The following SEPTIN9 variants were observed in gnomAD, a reference collection of about 807,000 sequenced individuals.
The protein encoded by SEPTIN9 is septin 9.
A neutral mutation model predicts 56.6 loss-of-function variants in SEPTIN9; 13 were observed. The ratio of observed to expected loss-of-function variants is 0.23; its 90% CI spans 0.15 to 0.37. The LOEUF (loss-of-function observed/expected upper bound fraction) is 0.37, where lower values mean the gene tolerates loss of function less well. Ranked by LOEUF, SEPTIN9 falls within the 10% of genes least tolerant of loss-of-function variation. The pLI is 1.00. For synonymous variants in SEPTIN9, 332 were observed against 334.1 expected, an observed-to-expected ratio of 0.99 and a Z score of 0.07; for missense variants, 650 against 823.1, an observed-to-expected ratio of 0.79 and a Z score of 2.57.
chr17:77,488,829 C>T lies in SEPTIN9; in HGVS notation c.1227C>T (p.His409=), dbSNP rs562191659. The T allele has an allele frequency of 6.2e-7, 1 of 1,613,784 alleles. No individual in the cohort carries two copies. Among genetic ancestry groups the T allele is most frequent in the East Asian group, 2.2e-5 (1 of 44,888 alleles). ...RKKRIPDTRV[H]CCLYFIPATG... ...AGCGCATCCCGGACACCCGCGTCCA[C>T]TGCTGCCTCTACTTCATCCCCGCCA... Residue 409 remains histidine (H), a synonymous_variant, in exon 7 of 12, where the codon CAC becomes CAT. Transcript: ENST00000427177.
intron 3 of SEPTIN9, among the ~76,000 whole-genome samples, chr17:77,413,182 ATTTC>A (rs1245365948): frequency 2.6e-5 from 4 of 151,710 alleles, no homozygotes; most frequent in Admixed American, 1.3e-4. Context: ...ATTTGGATGC[ATTTC>A]TTTTACCCTC....
rs1430742167 is a variant in SEPTIN9, at chr17:77,329,938, G to T, written c.76+22741G>T. Among the ~76,000 whole-genome samples the T allele has an allele frequency of 2.6e-5, 4 of 152,180 alleles. No individual in the cohort carries two copies. The highest frequency in any genetic ancestry group is 6.5e-5 in the Admixed American group (1 of 15,280). On this transcript the variant is annotated intron_variant, in intron 2 of 11. Transcript: ENST00000427177. The surrounding 1 kb of genome is among the most constrained non-coding windows in gnomAD (Gnocchi z 4.3). ...CCAGACTTGGGGTGGCTTCGGACTGGCCAGGCAGGTGGGTGGGGGCTGCAG... is the reference window on the plus strand; with the variant it reads ...CCAGACTTGGGGTGGCTTCGGACTGTCCAGGCAGGTGGGTGGGGGCTGCAG...
chr17:77,419,377 C>T (rs549805494), intron 3 of SEPTIN9, among the ~76,000 whole-genome samples: 1 of 152,068 alleles, frequency 6.6e-6, no homozygotes, highest in South Asian at 2.1e-4. Context: ...GCCGCAGGGA[C>T]CCCGGCGCTG....
At chr17:77,432,025 G>A (rs112034281) in intron 3 of SEPTIN9, among the ~76,000 whole-genome samples, 1 of 152,208 alleles carries the variant, frequency 6.6e-6, no homozygotes, top group African/African-American at 2.4e-5. Flanking sequence ...TTTCAGCAGA[G>A]GGTGGACCCC....
At chr17:77,397,018 T>A (rs1598306960) in intron 2 of SEPTIN9, 1 of 154,346 alleles carries the variant, frequency 6.5e-6, no homozygotes, top group Admixed American at 6.6e-5. Flanking sequence ...GGCTGGAGAG[T>A]GGGTGACCAC....
chr17:77,321,063 C>T (rs2032901242), intron 2 of SEPTIN9, among the ~76,000 whole-genome samples: 1 of 152,350 alleles, frequency 6.6e-6, no homozygotes, highest in East Asian at 1.9e-4. Context: ...CACTCACATG[C>T]GGTGCCGTGG....
intron 1 of SEPTIN9, among the ~76,000 whole-genome samples, chr17:77,304,641 G>C (rs2032189432): frequency 6.6e-6 from 1 of 152,178 alleles, no homozygotes; most frequent in Non-Finnish European, 1.5e-5. Flanking sequence ...TCCATCCTCA[G>C]GAACGTGTGT....
intron 2 of SEPTIN9, among the ~76,000 whole-genome samples, chr17:77,356,415 A>C (rs932946680): frequency 3.9e-5 from 6 of 151,932 alleles, no homozygotes; most frequent in East Asian, 3.9e-4. Flanking sequence ...TGTAACTCCC[A>C]GTGGCTCCGT....
intron 2 of SEPTIN9, among the ~76,000 whole-genome samples, chr17:77,392,762 C>T (rs1051660992): frequency 8.5e-5 from 13 of 152,108 alleles, no homozygotes; most frequent in African/African-American, 2.7e-4. Context: ...GCGCCTCCTC[C>T]GCCTTGATGT....
intron 2 of SEPTIN9, among the ~76,000 whole-genome samples, chr17:77,388,229 C>T (rs1252948943): frequency 3.3e-5 from 5 of 152,152 alleles, no homozygotes; most frequent in Non-Finnish European, 5.9e-5. Context: ...GGAGGGGCCC[C>T]GGCTGAGTCC....
At chr17:77,469,412 T>A (rs2038883234) in intron 3 of SEPTIN9, 1 of 152,300 alleles carries the variant, frequency 6.6e-6, no homozygotes, top group South Asian at 2.1e-4. Flanking sequence ...GACCCCTGTG[T>A]GTTTCATTCT....
intron 2 of SEPTIN9, among the ~76,000 whole-genome samples, chr17:77,391,468 C>T (rs1315363340): frequency 6.6e-6 from 1 of 152,198 alleles, no homozygotes; most frequent in East Asian, 1.9e-4. Context: ...GTGTGTCTTT[C>T]TCCTTTTCTG....
rs148103986 is a variant in SEPTIN9 at position 77,310,282 on chromosome 17, T to C, written c.76+3085T>C. ...TAGGTGTGAGCCACCGCATCCGGCCTGGTCTCCTCTTGCATACGGTCATCA... is the reference window on the plus strand; with the variant it reads ...TAGGTGTGAGCCACCGCATCCGGCCCGGTCTCCTCTTGCATACGGTCATCA... On this transcript the variant is annotated intron_variant, in intron 2 of 11. Coordinates refer to ENST00000427177, the MANE Select transcript of SEPTIN9 (RefSeq NM_001113491.2). This position sits in a 1 kb window ranked among gnomAD's most constrained non-coding sequence, Gnocchi z 4.7. Among the ~76,000 whole-genome samples, 578 of 152,286 alleles carry C rather than the reference T, an allele frequency of 3.8e-3. No homozygotes were observed. The highest frequency in any genetic ancestry group is 6.3e-3 in the Non-Finnish European group (427 of 68,016).
intron 2 of SEPTIN9, among the ~76,000 whole-genome samples, chr17:77,322,274 T>G (rs528859136): frequency 1.3e-5 from 2 of 152,110 alleles, no homozygotes; most frequent in African/African-American, 4.8e-5. Flanking sequence ...AACAAAACAC[T>G]CTTTGAAAGC....
intron 2 of SEPTIN9, chr17:77,320,430 T>C: frequency 2.4e-6 from 3 of 1,233,088 alleles, no homozygotes; most frequent in East Asian, 2.3e-5. Context: ...GGAATAAGCA[T>C]GCAAAGGGCG....
intron 2 of SEPTIN9, among the ~76,000 whole-genome samples, chr17:77,370,483 T>G (rs577535803): frequency 1.3e-5 from 2 of 152,310 alleles, no homozygotes; most frequent in South Asian, 4.1e-4. Flanking sequence ...TTAAACAGAA[T>G]CAGGTCACAT....
intron 1 of SEPTIN9, among the ~76,000 whole-genome samples, chr17:77,291,978 C>T (rs913470553): frequency 5.9e-5 from 9 of 152,208 alleles, no homozygotes; most frequent in Non-Finnish European, 8.8e-5. Context: ...GGTCCCCCTG[C>T]GAAGGCCCAG....
intron 2 of SEPTIN9, among the ~76,000 whole-genome samples, chr17:77,351,814 G>A (rs1376235920): frequency 6.6e-6 from 1 of 152,256 alleles, no homozygotes; most frequent in African/African-American, 2.4e-5. Context: ...GAGGTGCAGA[G>A]AAGGGAACTG....
At chr17:77,415,584 C>T (rs1328854594) in intron 3 of SEPTIN9, among the ~76,000 whole-genome samples, 4 of 149,058 alleles carry the variant, frequency 2.7e-5, no homozygotes, top group South Asian at 2.1e-4. Flanking sequence ...GCCAAAATTG[C>T]GCCACTGCAC....
Sources: allele counts gnomAD v4.1 joint callset (sites outside exome capture counted in the v4.1 genomes callset), GRCh38; gene constraint gnomAD v4.1.1; non-coding constraint Gnocchi (gnomAD v3.1); transcripts MANE v1.5; gene names NCBI Gene and HGNC (gene_info 2026-07-23, HGNC 2026-07-21).